SNTG2: variants seen among roughly 807,000 people sequenced by gnomAD.
SNTG2 encodes syntrophin gamma 2.
In SNTG2, 74 loss-of-function variants were observed where a neutral mutation model predicts 70.9. The observed-to-expected ratio is 1.04, with a 90% CI of 0.86 to 1.27. The LOEUF (loss-of-function observed/expected upper bound fraction) is 1.27. Among genes scored for constraint, SNTG2 ranks in the 50% most tolerant of loss-of-function variants. The pLI is 0.00. For synonymous variants in SNTG2, 278 were observed against 273.8 expected (o/e 1.02, Z -0.15); for missense variants, 717 against 690.7 (o/e 1.04, Z -0.43).
intron 6 of SNTG2, among the ~76,000 whole-genome samples, chr2:1,158,922 C>T (rs1173152650): frequency 6.6e-6 from 1 of 152,064 alleles, no homozygotes; most frequent in Non-Finnish European, 1.5e-5. Context: ...TTGACAACAG[C>T]AAGGTCTAAT....
At chr2:1,095,939 G>C (rs1665363035) in intron 2 of SNTG2, among the ~76,000 whole-genome samples, 1 of 152,196 alleles carries the variant, frequency 6.6e-6, no homozygotes, top group Non-Finnish European at 1.5e-5. Flanking sequence ...CTGGCAGGTG[G>C]ACGGACGCCT....
chr2:1,211,130 T>A (rs1016453663), intron 9 of SNTG2, among the ~76,000 whole-genome samples: 11 of 152,352 alleles, frequency 7.2e-5, no homozygotes, highest in African/African-American at 2.6e-4. Flanking sequence ...GCAGAATGTT[T>A]TAACAGTTCG....
chr2:966,261 C>T (rs1488883833), intron 1 of SNTG2, among the ~76,000 whole-genome samples: 4 of 152,122 alleles, frequency 2.6e-5, no homozygotes, highest in Non-Finnish European at 4.4e-5. Flanking sequence ...CTTACAATAA[C>T]TTCTTCTGGG....
intron 14 of SNTG2, among the ~76,000 whole-genome samples, chr2:1,298,686 G>A (rs1386578541): frequency 1.3e-5 from 2 of 152,112 alleles, no homozygotes; most frequent in African/African-American, 4.8e-5. Context: ...GAAATGTGAT[G>A]GTTGATACTG....
chr2:1,020,485 T>G (rs1000996132), intron 1 of SNTG2, among the ~76,000 whole-genome samples: 1 of 152,332 alleles, frequency 6.6e-6, no homozygotes, highest in Middle Eastern at 3.4e-3. Context: ...GAAAACCCAC[T>G]CAGCATCTGC....
chr2:1,352,598 C>G (rs1660641555), intron 16 of SNTG2, among the ~76,000 whole-genome samples: 1 of 152,206 alleles, frequency 6.6e-6, no homozygotes. Flanking sequence ...AGGACCACTC[C>G]CCATAAAGCT....
intron 1 of SNTG2, among the ~76,000 whole-genome samples, chr2:962,506 G>A (rs13411564): frequency 0.62 from 94,587 of 151,996 alleles, 30,410 homozygotes; most frequent in Non-Finnish European, 0.68. Flanking sequence ...GTATCCAGTT[G>A]CTGGAGTAGC....
chr2:1,197,841 C>A (rs1413710797), intron 8 of SNTG2, among the ~76,000 whole-genome samples: 1 of 151,800 alleles, frequency 6.6e-6, no homozygotes, highest in Admixed American at 6.6e-5. Flanking sequence ...CCCAGAGCAC[C>A]CATAAATATA....
At chr2:1,169,404 T>C (rs920589887) in intron 7 of SNTG2, among the ~76,000 whole-genome samples, 1 of 152,136 alleles carries the variant, frequency 6.6e-6, no homozygotes, top group Non-Finnish European at 1.5e-5. Context: ...CTAAGCCAGC[T>C]TCCCTGGGTG....
chr2:1,100,274 C>A (rs766373545), intron 4 of SNTG2, among the ~76,000 whole-genome samples: 6 of 151,972 alleles, frequency 3.9e-5, no homozygotes, highest in Non-Finnish European at 7.4e-5. Flanking sequence ...TCAAGCGATT[C>A]TTCTGCCTCA....
Position 1,145,167 on chromosome 2 carries a change from C to A in SNTG2, c.411+7358C>A, listed in dbSNP as rs145356182. On this transcript the variant is annotated intron_variant, in intron 6 of 16. Coordinates refer to ENST00000308624, the MANE Select transcript of SNTG2 (RefSeq NM_018968.4). ...AGCAGGAGTTTATTTCCCCAAAGCT[C>A]TAAGCTTTCCCCTTAGGAAACCAGA... Among the ~76,000 whole-genome samples, 33 of 151,616 alleles carry A rather than the reference C, an allele frequency of 2.2e-4. No individual in the cohort carries two copies. In the East Asian group the frequency reaches 3.9e-3, roughly 18 times the overall value.
chr2:1,114,933 G>T (rs776506556), intron 4 of SNTG2, among the ~76,000 whole-genome samples: 2 of 151,782 alleles, frequency 1.3e-5, no homozygotes, highest in African/African-American at 4.8e-5. Flanking sequence ...TGTGTACTAC[G>T]TGAGGTTTAA....
intron 4 of SNTG2, among the ~76,000 whole-genome samples, chr2:1,135,094 C>T (rs1668292081): frequency 6.6e-6 from 1 of 152,174 alleles, no homozygotes; most frequent in Non-Finnish European, 1.5e-5. Flanking sequence ...GCCCTATGTG[C>T]GTTTTTCTGA....
At chr2:1,211,139 C>T (rs1326050774) in intron 9 of SNTG2, among the ~76,000 whole-genome samples, 6 of 152,278 alleles carry the variant, frequency 3.9e-5, no homozygotes, top group Non-Finnish European at 4.4e-5. Flanking sequence ...TTTAACAGTT[C>T]GTGCTCTAAC....
At chr2:1,092,177 A>T (rs1665070402) in intron 2 of SNTG2, among the ~76,000 whole-genome samples, 1 of 152,246 alleles carries the variant, frequency 6.6e-6, no homozygotes, top group South Asian at 2.1e-4. Context: ...GTGGGTGTGA[A>T]ATAGAATACT....
intron 7 of SNTG2, among the ~76,000 whole-genome samples, chr2:1,168,705 T>C (rs1670919707): frequency 6.6e-6 from 1 of 152,178 alleles, no homozygotes; most frequent in Non-Finnish European, 1.5e-5. Context: ...TTCCTGCCAT[T>C]GTAGCAAACC....
At chr2:1,086,898 T>C (rs1664717297) in intron 2 of SNTG2, among the ~76,000 whole-genome samples, 1 of 152,116 alleles carries the variant, frequency 6.6e-6, no homozygotes, top group South Asian at 2.1e-4. Context: ...TGAACCTCCA[T>C]GAACAATTTA....
chr2:1,356,469 C>G (rs1331262598), intron 16 of SNTG2, among the ~76,000 whole-genome samples: 1 of 152,130 alleles, frequency 6.6e-6, no homozygotes, highest in Non-Finnish European at 1.5e-5. Flanking sequence ...TAGCGTTAGC[C>G]CTTTGTGGAA....
intron 6 of SNTG2, among the ~76,000 whole-genome samples, chr2:1,154,825 C>G (rs982013523): frequency 6.6e-6 from 1 of 151,766 alleles, no homozygotes; most frequent in East Asian, 1.9e-4. Context: ...ATCACATACA[C>G]CACACATATA....
Sources: allele counts gnomAD v4.1 joint callset (sites outside exome capture counted in the v4.1 genomes callset), GRCh38; gene constraint gnomAD v4.1.1; transcripts MANE v1.5; gene names NCBI Gene and HGNC (gene_info 2026-07-23, HGNC 2026-07-21).